Variants in CDR2 observed in about 807,000 individuals in gnomAD.
CDR2 encodes cerebellar degeneration related protein 2.
In CDR2, 34 loss-of-function variants were observed where a neutral mutation model predicts 48.4. The observed-to-expected ratio is 0.70, with a 90% confidence interval of 0.53 to 0.94. The LOEUF (loss-of-function observed/expected upper bound fraction) is 0.94. Ranked by LOEUF, CDR2 falls within the 40% of genes least tolerant of loss-of-function variation. The probability of loss-of-function intolerance (pLI) is 0.00; values close to 1 mark genes in which losing one functional copy is unlikely to be tolerated. For missense variants in CDR2, 498 were observed against 549.5 expected, an observed-to-expected ratio of 0.91 and a Z score of 0.94; for synonymous variants, 240 against 219.7, an observed-to-expected ratio of 1.09 and a Z score of -0.82.
rs57161642 is a variant in CDR2, at chr16:22,346,520, G to A, written c.*445C>T. On this transcript the variant is annotated 3_prime_UTR_variant, in exon 5 of 5. Transcript: ENST00000268383. ...GAACATTCTTCGTAATGAATTCACA[G>A]TATTCAAACTGTTTGCAAAGATATT... is the stretch of plus-strand genomic sequence containing the variant. The A allele has an allele frequency of 0.083, 2,230 of 26,794 alleles. 61 individuals are homozygous for A. Among genetic ancestry groups the A allele is most frequent in the African/African-American group, 0.19 (2,122 of 11,380 alleles). 1.7% of individuals were successfully genotyped at this position (26,794 alleles called of 1,614,324 possible). A position where few individuals can be genotyped will look rare whatever the true frequency, so the allele number is the denominator to read the frequency against.
At chr16:22,353,529 C>T (rs1173033496) in intron 2 of CDR2, among the ~76,000 whole-genome samples, 1 of 152,148 alleles carries the variant, frequency 6.6e-6, no homozygotes, top group Non-Finnish European at 1.5e-5. Context: ...TAAAAAGGTT[C>T]CTGCCTCCTC....
chr16:22,363,613 G>C (rs1342428371), intron 2 of CDR2, among the ~76,000 whole-genome samples: 1 of 152,184 alleles, frequency 6.6e-6, no homozygotes, highest in African/African-American at 2.4e-5. Context: ...TCATTATGAT[G>C]AACTGCTTCA....
intron 1 of CDR2, among the ~76,000 whole-genome samples, chr16:22,369,983 G>A (rs1207269559): frequency 1.3e-5 from 2 of 152,190 alleles, no homozygotes; most frequent in Non-Finnish European, 2.9e-5. Flanking sequence ...TAAAAATACT[G>A]TAGATTTATT....
Position 22,374,324 on chromosome 16 carries a change from C to A in CDR2, c.-15G>T. 1 of 1,574,220 alleles carries A rather than the reference C, an allele frequency of 6.4e-7. No individual in the cohort carries two copies. The highest frequency in any genetic ancestry group is 8.6e-7 in the Non-Finnish European group (1 of 1,156,200). On this transcript the variant is annotated 5_prime_UTR_variant, in exon 1 of 5. Coordinates refer to ENST00000268383, the MANE Select transcript of CDR2 (RefSeq NM_001802.2). ...TCCGCCAGCATCTCGGCTGGGTCTT[C>A]TAGGGGCAGCGGCCCCCGCCGCCGT...
At chr16:22,360,737 A>ATTT (rs1192868901) in intron 2 of CDR2, among the ~76,000 whole-genome samples, 2 of 104,360 alleles carry the variant, frequency 1.9e-5, no homozygotes, top group African/African-American at 7.3e-5. Context: ...TAAAAAAATG[A>ATTT]TCTTTTTTTT....
At position 22,367,347 on chromosome 16, in the gene CDR2, G is replaced by A. The variant is rs2141853218; in HGVS notation, c.80-2333C>T. Among the ~76,000 whole-genome samples, 2 of 152,306 alleles carry A rather than the reference G, an allele frequency of 1.3e-5. 1 individual carries two copies. Among genetic ancestry groups the A allele is most frequent in the African/African-American group, 4.8e-5 (2 of 41,570 alleles). On this transcript the variant is annotated intron_variant, in intron 1 of 4. Coordinates refer to ENST00000268383, the MANE Select transcript of CDR2 (RefSeq NM_001802.2). ...CCAGCCTAGGGCCCAATTTAGAAAG[G>A]GAGGTCATAAGGAAGGTCTGACAAG...
intron 1 of CDR2, among the ~76,000 whole-genome samples, chr16:22,371,694 A>G (rs2049077791): frequency 6.6e-6 from 1 of 152,232 alleles, no homozygotes; most frequent in Non-Finnish European, 1.5e-5. Flanking sequence ...TTGACAGGCC[A>G]TATTCACAAG....
intron 4 of CDR2, among the ~76,000 whole-genome samples, chr16:22,348,983 TTTC>T (rs1410289835): frequency 6.6e-6 from 1 of 152,212 alleles, no homozygotes; most frequent in Non-Finnish European, 1.5e-5. Context: ...TATTTCTGTT[TTTC>T]TTCACTCTAA....
intron 1 of CDR2, among the ~76,000 whole-genome samples, chr16:22,369,444 G>T (rs551715436): frequency 6.6e-6 from 1 of 152,286 alleles, no homozygotes; most frequent in Admixed American, 6.5e-5. Flanking sequence ...TGCAGAAAGA[G>T]ATACCAAGGA....
intron 1 of CDR2, among the ~76,000 whole-genome samples, chr16:22,366,123 T>C (rs2049043389): frequency 6.6e-6 from 1 of 152,232 alleles, no homozygotes; most frequent in African/African-American, 2.4e-5. Flanking sequence ...TGCTAAGCAT[T>C]AGCTATAGAA....
In CDR2 at chr16:22,346,289, C is replaced by A. The variant is rs1368433756; in HGVS notation, c.*676G>T. The A allele has an allele frequency of 6.5e-6, 1 of 152,694 alleles. No homozygotes were observed. Among genetic ancestry groups the A allele is most frequent in the Non-Finnish European group, 1.5e-5 (1 of 68,058 alleles). The allele number at this position is 152,694 out of a possible 1,614,324, so 9.5% of individuals were successfully genotyped here. ...AGCTTTGAGTAAAAACATTAGAATA[C>A]AGGGATGGAGGCCCTCTAGGGCATA... On this transcript the variant is annotated 3_prime_UTR_variant, in exon 5 of 5. Coordinates refer to ENST00000268383, the MANE Select transcript of CDR2 (RefSeq NM_001802.2).
chr16:22,352,888 G>T (rs1277804785), intron 2 of CDR2, among the ~76,000 whole-genome samples: 1 of 152,162 alleles, frequency 6.6e-6, no homozygotes, highest in Non-Finnish European at 1.5e-5. Flanking sequence ...TAATTCTCAT[G>T]CGTGAAGCTT....
Position 22,346,982 on chromosome 16 carries a change from G to A in CDR2, c.1348C>T (p.Leu450Phe), listed in dbSNP as rs1325669463. ...AGGTTCAATTAAGAATGAGAGGAGA[G>A]TGATCGGTATTTTGTTCTCTGTTCA... Reference protein sequence around the residue: ...IDEQRTKYRSLSSHS With the variant: ...IDEQRTKYRSFSSHS Residue 450 changes from leucine (L) to phenylalanine (F), a missense_variant, in exon 5 of 5, where the codon CTC (leucine) becomes TTC (phenylalanine). Leu to Phe is a conservative substitution (Grantham distance 22). Coordinates refer to ENST00000268383, the MANE Select transcript of CDR2 (RefSeq NM_001802.2). 1 of 1,610,220 alleles carries A rather than the reference G, an allele frequency of 6.2e-7. No individual in the cohort carries two copies. The highest frequency in any genetic ancestry group is 1.3e-5 in the African/African-American group (1 of 74,874).
chr16:22,361,262 T>C (rs960323595), intron 2 of CDR2, among the ~76,000 whole-genome samples: 2 of 152,314 alleles, frequency 1.3e-5, no homozygotes, highest in South Asian at 2.1e-4. Flanking sequence ...CATCAAACTA[T>C]ACACTTAGGA....
intron 4 of CDR2, among the ~76,000 whole-genome samples, chr16:22,348,432 G>T (rs2048921379): frequency 6.6e-6 from 1 of 152,134 alleles, no homozygotes; most frequent in Non-Finnish European, 1.5e-5. Context: ...TGGTGCCTGG[G>T]TCCCAACCCA....
At chr16:22,359,732 G>C (rs1456649614) in intron 2 of CDR2, among the ~76,000 whole-genome samples, 2 of 152,142 alleles carry the variant, frequency 1.3e-5, no homozygotes, top group East Asian at 1.9e-4. Context: ...ACAGAGGCCA[G>C]AGCCCCTTCT....
rs1297509448 is a variant in CDR2, at chr16:22,374,572, G to GC, written c.-264dup. ...ACGCCTGGAGCCGGAGTCTCACGCA[G>GC]CCGCCAGTCTTCACGCCGCCGCCGG... is the stretch of plus-strand genomic sequence containing the variant. On this transcript the variant is annotated 5_prime_UTR_variant, in exon 1 of 5. Transcript: ENST00000268383. 6 of 184,762 alleles carry GC rather than the reference G, an allele frequency of 3.2e-5. No individual in the cohort carries two copies. In the East Asian group the frequency reaches 7.2e-4, roughly 22 times the overall value. 11.4% of individuals were successfully genotyped at this position (184,762 alleles called of 1,614,324 possible). A position where few individuals can be genotyped will look rare whatever the true frequency, so the allele number is the denominator to read the frequency against.
chr16:22,362,266 A>G (rs924666211), intron 2 of CDR2, among the ~76,000 whole-genome samples: 5 of 152,202 alleles, frequency 3.3e-5, no homozygotes, highest in Non-Finnish European at 7.3e-5. Flanking sequence ...ACGCTTTGCA[A>G]TATCTTATGG....
chr16:22,348,889 A>C (rs956730306), intron 4 of CDR2, among the ~76,000 whole-genome samples: 6 of 152,220 alleles, frequency 3.9e-5, no homozygotes, highest in African/African-American at 1.4e-4. Flanking sequence ...ATACTTCTTA[A>C]AGATTCAGAC....
Sources: gnomAD v4.1 joint callset for allele counts (sites outside exome capture counted in the v4.1 genomes callset) on GRCh38, gnomAD v4.1.1 for gene constraint, MANE v1.5 for transcripts, NCBI Gene and HGNC (gene_info 2026-07-23, HGNC 2026-07-21) for gene names.